PCDH15: variants seen among roughly 807,000 people sequenced by gnomAD.
PCDH15 encodes the protein protocadherin related 15, also known as protocadherin-15.
Under a neutral mutation model 178.5 loss-of-function variants are expected in PCDH15, and 129 were observed. The ratio of observed to expected loss-of-function variants is 0.72; its 90% CI spans 0.63 to 0.84. The LOEUF is 0.84. Among genes scored for constraint, PCDH15 ranks in the 40% least tolerant of loss-of-function variants. The pLI is 0.00. For synonymous variants in PCDH15, 800 were observed against 732.0 expected (o/e 1.09, Z -1.50); for missense variants, 2,230 against 2,099.9 (o/e 1.06, Z -1.21).
chr10:55,410,630 A>T lies in PCDH15; in HGVS notation c.-156+216995T>A, dbSNP rs1838308667. Among the ~76,000 whole-genome samples, 3 of 152,070 alleles carry T rather than the reference A, an allele frequency of 2.0e-5. No homozygotes were observed. In the South Asian group the frequency reaches 6.2e-4, roughly 31 times the overall value. Reference sequence around the variant, plus strand: ...GAAATCCCAGATAATACAATGAAACATTTCCCGGAGCAGAGAGCTTGGTTC... The same window carrying T: ...GAAATCCCAGATAATACAATGAAACTTTTCCCGGAGCAGAGAGCTTGGTTC... On this transcript the variant is annotated intron_variant, in intron 2 of 5. Transcript: ENST00000613346.
At chr10:55,284,594 T>C (rs930519042) in intron 1 of PCDH15, among the ~76,000 whole-genome samples, 7 of 152,062 alleles carry the variant, frequency 4.6e-5, no homozygotes, top group Non-Finnish European at 1.0e-4. Flanking sequence ...CATTGTTACA[T>C]ACCAATAATT....
At chr10:54,538,741 C>A (rs866002107) in intron 2 of PCDH15, among the ~76,000 whole-genome samples, 3 of 152,054 alleles carry the variant, frequency 2.0e-5, no homozygotes, top group Non-Finnish European at 2.9e-5. Flanking sequence ...TAGTACCTTC[C>A]CCTTCATTCT....
intron 6 of PCDH15, among the ~76,000 whole-genome samples, chr10:54,346,120 A>C (rs1943237477): frequency 1.3e-5 from 2 of 152,214 alleles, no homozygotes; most frequent in South Asian, 4.1e-4. Flanking sequence ...ACAGAAATTT[A>C]GTAAATGAGG....
chr10:54,841,082 C>T (rs777633846), intron 3 of PCDH15, among the ~76,000 whole-genome samples: 4 of 151,786 alleles, frequency 2.6e-5, no homozygotes, highest in Non-Finnish European at 5.9e-5. Context: ...AACACACATG[C>T]ACAGAACATT....
chr10:54,492,355 A>G (rs2079679334), intron 3 of PCDH15, among the ~76,000 whole-genome samples: 1 of 152,182 alleles, frequency 6.6e-6, no homozygotes, highest in South Asian at 2.1e-4. Flanking sequence ...GTCTCTGTAA[A>G]TTGTTCTACA....
At chr10:54,780,045 G>A (rs1950210526) in intron 1 of PCDH15, among the ~76,000 whole-genome samples, 1 of 152,050 alleles carries the variant, frequency 6.6e-6, no homozygotes, top group Non-Finnish European at 1.5e-5. Context: ...TTAGCCCTTT[G>A]GGGTGGTTTG....
chr10:54,550,488 C>CTGTGTGTGTG lies in PCDH15; in HGVS notation c.92-22621_92-22612dup, dbSNP rs71010384. ...TGCCCCTGTGCCTTAGTGTATGTGTCTGTGTGTGTGTGTGTGTGTGTCACA... is the reference window on the plus strand; with the variant it reads ...TGCCCCTGTGCCTTAGTGTATGTGTCTGTGTGTGTGTGTGTGTGTGTGTGTGTGTGTCACA... On this transcript the variant is annotated intron_variant, in intron 2 of 37. Coordinates refer to ENST00000644397, the MANE Select transcript of PCDH15 (RefSeq NM_001384140.1). Among the ~76,000 whole-genome samples the CTGTGTGTGTG allele has an allele frequency of 1.5e-3, 226 of 150,860 alleles. 1 individual carries two copies. In the East Asian group the frequency reaches 0.02, roughly 13 times the overall value.
intron 6 of PCDH15, among the ~76,000 whole-genome samples, chr10:54,332,316 T>A (rs1487849208): frequency 5.2e-5 from 5 of 95,770 alleles, no homozygotes; most frequent in South Asian, 2.8e-4. Context: ...ATATATAATA[T>A]AATATAATCT....
chr10:53,961,895 A>G lies in PCDH15; in HGVS notation c.2869-3T>C, dbSNP rs755912534. ...CTCACACGACTTGCAGGTAATCCCTAAAATAAAATTATTAATTATTAATTT... is the reference window on the plus strand; with the variant it reads ...CTCACACGACTTGCAGGTAATCCCTGAAATAAAATTATTAATTATTAATTT... On this transcript the variant is annotated splice_region_variant and splice_polypyrimidine_tract_variant and intron_variant, in intron 21 of 37. Transcript: ENST00000644397. 5.6e-6 allele frequency: 9 copies of G among 1,604,170 alleles called. No homozygotes were observed. In the East Asian group the frequency reaches 1.8e-4, roughly 32 times the overall value.
chr10:55,090,328 G>A lies in PCDH15; in HGVS notation c.-80+76248C>T, dbSNP rs535245754. Among the ~76,000 whole-genome samples, 6 of 151,856 alleles carry A rather than the reference G, an allele frequency of 4.0e-5. 1 individual carries two copies. The highest frequency in any genetic ancestry group is 1.4e-4 in the African/African-American group (6 of 41,414). On this transcript the variant is annotated intron_variant, in intron 2 of 5. Transcript: ENST00000458638. The stretch of plus-strand genomic sequence containing the variant: ...ATTTCAGCACAGAGTAGAGCCTTAG[G>A]GAAAAATCCTGCAATAATAGTTATA...
intron 16 of PCDH15, among the ~76,000 whole-genome samples, chr10:54,088,325 T>C (rs1303913414): frequency 6.6e-6 from 1 of 152,196 alleles, no homozygotes; most frequent in Non-Finnish European, 1.5e-5. Flanking sequence ...GTGATCATAT[T>C]TCCATGTGCT....
At chr10:54,420,046 A>G (rs1400247552) in intron 3 of PCDH15, among the ~76,000 whole-genome samples, 35 of 152,148 alleles carry the variant, frequency 2.3e-4, no homozygotes, top group Non-Finnish European at 3.7e-4. Context: ...ACACAGAAAA[A>G]TCAACTCAGT....
intron 3 of PCDH15, among the ~76,000 whole-genome samples, chr10:54,879,963 G>C (rs1310415415): frequency 1.3e-5 from 2 of 151,982 alleles, no homozygotes; most frequent in Non-Finnish European, 2.9e-5. Context: ...AAAAATTAGA[G>C]ATTCGGCTAA....
chr10:53,877,498 GT>G (rs1433655866), intron 26 of PCDH15, among the ~76,000 whole-genome samples: 1 of 151,952 alleles, frequency 6.6e-6, no homozygotes, highest in East Asian at 1.9e-4. Context: ...CAATAATTCT[GT>G]AGTTATACAT....
chr10:55,362,582 C>A (rs1162291032), intron 2 of PCDH15, among the ~76,000 whole-genome samples: 1 of 152,058 alleles, frequency 6.6e-6, no homozygotes, highest in East Asian at 1.9e-4. Flanking sequence ...AGTATCACAA[C>A]CATGAAATTG....
chr10:53,996,698 G>C (rs2135719), intron 20 of PCDH15, among the ~76,000 whole-genome samples: 113,959 of 152,036 alleles, frequency 0.75, 43,328 homozygotes, highest in African/African-American at 0.88. Context: ...TTATCTTTTA[G>C]AGATAATTGT....
Position 54,378,894 on chromosome 10 carries a change from G to C in PCDH15, c.206C>G (p.Pro69Arg). 6 of 1,613,722 alleles carry C rather than the reference G, an allele frequency of 3.7e-6. No individual in the cohort carries two copies. Among genetic ancestry groups the C allele is most frequent in the Non-Finnish European group, 5.1e-6 (6 of 1,179,776 alleles). The change falls in exon 4 of 38, where the codon CCA (proline) becomes CGA (arginine). Residue 69 changes from proline (P) to arginine (R), a missense_variant. Pro to Arg is a moderately radical substitution (Grantham distance 103). Transcript: ENST00000644397. ...NMLIKGTAGG[P>R]DPTIELSLKD... is the part of the protein sequence containing the mutation. ...TAAAGAAAGTTCTATGGTGGGGTCT[G>C]GTCCTCCAGCAGTCCCTTTGATCAG...
chr10:55,137,244 CTATTTGCCA>C (rs1838219012), intron 2 of PCDH15, among the ~76,000 whole-genome samples: 1 of 152,130 alleles, frequency 6.6e-6, no homozygotes, highest in African/African-American at 2.4e-5. Flanking sequence ...TCTCATAAGA[CTATTTGCCA>C]TATTTGCCAT....
intron 3 of PCDH15, among the ~76,000 whole-genome samples, chr10:54,389,927 A>C (rs12763006): frequency 0.055 from 8,349 of 152,232 alleles, 276 homozygotes; most frequent in Admixed American, 0.099. Flanking sequence ...TGGGCGACAG[A>C]GTGAGACTCC....
Sources: gnomAD v4.1 joint callset for allele counts (sites outside exome capture counted in the v4.1 genomes callset) on GRCh38, gnomAD v4.1.1 for gene constraint, MANE v1.5 for transcripts, NCBI Gene and HGNC (gene_info 2026-07-23, HGNC 2026-07-21) for gene names.